The following BIRC6 variants were observed in gnomAD, a reference collection of about 807,000 sequenced individuals.
BIRC6 encodes the protein baculoviral IAP repeat containing 6, also known as dual E2 ubiquitin-conjugating enzyme/E3 ubiquitin-protein ligase BIRC6.
In BIRC6, 98 loss-of-function variants were observed where a neutral mutation model predicts 503.3. The observed-to-expected ratio is 0.19, with a 90% CI of 0.17 to 0.23. BIRC6 has a LOEUF of 0.23. BIRC6 is among the 10% of genes least tolerant of loss of function. The probability of loss-of-function intolerance (pLI) is 1.00; values close to 1 mark genes in which losing one functional copy is unlikely to be tolerated. For missense variants in BIRC6, 5,360 were observed against 5,806.0 expected, an observed-to-expected ratio of 0.92 and a Z score of 2.50; for synonymous variants, 2,240 against 2,078.7, an observed-to-expected ratio of 1.08 and a Z score of -2.11.
At chr2:32,510,240 G>A (rs1339935203) in intron 52 of BIRC6, among the ~76,000 whole-genome samples, 1 of 151,954 alleles carries the variant, frequency 6.6e-6, no homozygotes, top group Non-Finnish European at 1.5e-5. Context: ...CACCACACCC[G>A]GCTAATTTTT....
chr2:32,442,137 A>C lies in BIRC6; in HGVS notation c.4017A>C (p.Thr1339=), dbSNP rs761507069. The change falls in exon 18 of 74, where the codon ACA becomes ACC. Residue 1339 remains threonine (T), a synonymous_variant. Coordinates refer to ENST00000421745, the MANE Select transcript of BIRC6 (RefSeq NM_016252.4). ...EKLLNTLCRK[T]DDGQITEHAQ... The stretch of plus-strand genomic sequence containing the variant: ...TTCTTAATACTCTTTGCAGAAAAAC[A>C]GATGATGGCCAGATCACAGAACATG... 8 of 1,610,332 alleles carry C rather than the reference A, an allele frequency of 5.0e-6. No homozygotes were observed. Among genetic ancestry groups the C allele is most frequent in the Non-Finnish European group, 6.8e-6 (8 of 1,178,940 alleles).
intron 10 of BIRC6, among the ~76,000 whole-genome samples, chr2:32,425,983 A>C (rs2043446258): frequency 1.3e-5 from 2 of 152,208 alleles, no homozygotes; most frequent in Non-Finnish European, 2.9e-5. Context: ...CTCTTACCAG[A>C]AATCAGTCTC....
chr2:32,415,172 A>G lies in BIRC6; in HGVS notation c.1881A>G (p.Leu627=). 6.2e-7 allele frequency: 1 copy of G among 1,614,028 alleles called. No individual in the cohort carries two copies. The highest frequency in any genetic ancestry group is 8.5e-7 in the Non-Finnish European group (1 of 1,179,884). The change falls in exon 10 of 74, where the codon TTA becomes TTG. Residue 627 remains leucine (L), a synonymous_variant. Coordinates refer to ENST00000421745, the MANE Select transcript of BIRC6 (RefSeq NM_016252.4). ...ATTCTCCTCTGGTAAGGAGGACTTT[A>G]CCGGTTTTGCTTCTTTATAGCATCA... ...ELNSPLVRRT[L]PVLLLYSIKE...
At chr2:32,412,278 C>G (rs2041968708) in intron 9 of BIRC6, among the ~76,000 whole-genome samples, 1 of 152,078 alleles carries the variant, frequency 6.6e-6, no homozygotes, top group African/African-American at 2.4e-5. Context: ...GTGGGCAGAT[C>G]ACGAGGTCAG....
intron 54 of BIRC6, among the ~76,000 whole-genome samples, chr2:32,514,009 A>G (rs2366897): frequency 1 from 152,288 of 152,288 alleles, 76,144 homozygotes; most frequent in Non-Finnish European, 1. Flanking sequence ...GAAGTTCGCC[A>G]TGCTGCCTCA....
rs763417990 is a variant in BIRC6, at chr2:32,415,023, C to G, written c.1732C>G (p.Pro578Ala). 6.2e-7 allele frequency: 1 copy of G among 1,613,868 alleles called. No homozygotes were observed. The highest frequency in any genetic ancestry group is 8.5e-7 in the Non-Finnish European group (1 of 1,179,876). The change falls in exon 10 of 74, where the codon CCT becomes GCT. Residue 578 changes from proline to alanine, a missense_variant. Physicochemically the swap from Pro to Ala is conservative, Grantham distance 27. Transcript: ENST00000421745. ...LAGGLLTYKSPATSPISSNSH... is the reference protein window; with the variant it reads ...LAGGLLTYKSAATSPISSNSH... ...TGGAGGTTTATTAACATATAAATCTCCTGCTACCTCACCCATTAGTAGTAA... is the reference window on the plus strand; with the variant it reads ...TGGAGGTTTATTAACATATAAATCTGCTGCTACCTCACCCATTAGTAGTAA...
chr2:32,406,240 G>T (rs2041198909), intron 8 of BIRC6, among the ~76,000 whole-genome samples: 1 of 151,918 alleles, frequency 6.6e-6, no homozygotes, highest in East Asian at 1.9e-4. Context: ...AAAATTAAAA[G>T]AAAAAAGTAG....
chr2:32,426,904 A>G (rs1174124679), intron 10 of BIRC6, among the ~76,000 whole-genome samples: 1 of 152,226 alleles, frequency 6.6e-6, no homozygotes, highest in East Asian at 1.9e-4. Context: ...TTAATGCTAC[A>G]TAGAGAATCT....
At position 32,395,722 on chromosome 2, in the gene BIRC6, G is replaced by A. The variant is rs986379449; in HGVS notation, c.1034+129G>A. The stretch of plus-strand genomic sequence containing the variant: ...ACCTATATTTTTGTCATTGTCCTGA[G>A]AATGAGCTAGCCCTGTCTATACTCT... On this transcript the variant is annotated intron_variant, in intron 6 of 73. Coordinates refer to ENST00000421745, the MANE Select transcript of BIRC6 (RefSeq NM_016252.4). 1.0e-5 allele frequency: 7 copies of A among 696,826 alleles called. No individual in the cohort carries two copies. In the Middle Eastern group the frequency reaches 1.0e-3, roughly 101 times the overall value. The allele number at this position is 696,826 out of a possible 1,614,324, so 43.2% of individuals were successfully genotyped here.
chr2:32,481,594 G>A lies in BIRC6; in HGVS notation c.7542+141G>A, dbSNP rs1285832966. The stretch of plus-strand genomic sequence containing the variant: ...ATCCTGGCCAACATAGTGAAATCCC[G>A]TCTCTACTAAAAATAGAAAAAATTA... On this transcript the variant is annotated intron_variant, in intron 38 of 73. Coordinates refer to ENST00000421745, the MANE Select transcript of BIRC6 (RefSeq NM_016252.4). The A allele has an allele frequency of 2.6e-5, 16 of 617,202 alleles. No homozygotes were observed. The East Asian group carries it at 2.7e-4, about 11-fold the overall frequency. 38.2% of individuals were successfully genotyped at this position (617,202 alleles called of 1,614,324 possible).
chr2:32,595,478 C>CT (rs1156479515), intron 68 of BIRC6, among the ~76,000 whole-genome samples: 1 of 152,200 alleles, frequency 6.6e-6, no homozygotes, highest in Non-Finnish European at 1.5e-5. Flanking sequence ...GAACTTTGAA[C>CT]TAAGTCTGTT....
intron 65 of BIRC6, among the ~76,000 whole-genome samples, chr2:32,558,076 C>T (rs950456286): frequency 6.6e-6 from 1 of 152,002 alleles, no homozygotes; most frequent in African/African-American, 2.4e-5. Context: ...GCATTTCTTG[C>T]GTAGTTTTTC....
rs538511486 is a variant in BIRC6, at chr2:32,537,226, C to T, written c.12291+5675C>T. 7.2e-5 allele frequency among the ~76,000 whole-genome samples: 11 copies of T among 152,172 alleles called. No individual in the cohort carries two copies. The East Asian group carries it at 7.7e-4, about 11-fold the overall frequency. On this transcript the variant is annotated intron_variant, in intron 61 of 73. Coordinates refer to ENST00000421745, the MANE Select transcript of BIRC6 (RefSeq NM_016252.4). ...CCATTGTCAACATTAGACAGATCAA[C>T]GAGACAGAAAGTTAACAAGGATATC...
chr2:32,487,834 A>T, intron 41 of BIRC6, 33 bp downstream of exon 41: 1 of 1,552,988 alleles, frequency 6.4e-7, no homozygotes, highest in South Asian at 1.1e-5. Context: ...GTATTTTTAC[A>T]TATTATTGTT....
intron 61 of BIRC6, among the ~76,000 whole-genome samples, chr2:32,535,668 G>T (rs2057171514): frequency 6.6e-6 from 1 of 152,192 alleles, no homozygotes; most frequent in Non-Finnish European, 1.5e-5. Flanking sequence ...GTATTCCATG[G>T]TGTATATGTC....
Position 32,429,307 on chromosome 2 carries a change from A to C in BIRC6, c.3022+12A>C. ...TCCTGGCATTTCAGGTATGATATTA[A>C]ATTTTTAAATGATTTTAAAAAAAGA... is the stretch of plus-strand genomic sequence containing the variant. On this transcript the variant is annotated intron_variant, in intron 11 of 73. Transcript: ENST00000421745. 1 of 1,470,464 alleles carries C rather than the reference A, an allele frequency of 6.8e-7. No individual in the cohort carries two copies. The highest frequency in any genetic ancestry group is 9.0e-7 in the Non-Finnish European group (1 of 1,110,214). The allele number at this position is 1,470,464 out of a possible 1,614,324, so 91.1% of individuals were successfully genotyped here. A position where few individuals can be genotyped will look rare whatever the true frequency, so the allele number is the denominator to read the frequency against.
intron 15 of BIRC6, 139 bp from the exon 16 acceptor site, chr2:32,439,369 G>C: frequency 2.4e-6 from 2 of 821,054 alleles, no homozygotes; most frequent in Non-Finnish European, 3.7e-6. Context: ...ACTTTCTTCT[G>C]CTCAAACAGT....
rs750550784 is a variant in BIRC6, at chr2:32,415,915, A to C, written c.2624A>C (p.Glu875Ala). The change falls in exon 10 of 74, where the codon GAG becomes GCG. Residue 875 changes from glutamate (E) to alanine (A), a missense_variant. Glu to Ala is a moderately radical substitution (Grantham distance 107, BLOSUM62 -1). Coordinates refer to ENST00000421745, the MANE Select transcript of BIRC6 (RefSeq NM_016252.4). ...TTGGATAATCGAGAGGATGACTGTG[A>C]GGAACCTATTGAGGACATGCAGTTA... ...DILDNREDDC[E>A]EPIEDMQLTS... 6.2e-7 allele frequency: 1 copy of C among 1,614,048 alleles called. No homozygotes were observed. Among genetic ancestry groups the C allele is most frequent in the Non-Finnish European group, 8.5e-7 (1 of 1,179,884 alleles).
At chr2:32,457,612 C>A (rs916493894) in intron 23 of BIRC6, among the ~76,000 whole-genome samples, 1 of 152,050 alleles carries the variant, frequency 6.6e-6, no homozygotes, top group Non-Finnish European at 1.5e-5. Flanking sequence ...TATGAATTCC[C>A]ATGATACATT....
Sources: gnomAD v4.1 joint callset for allele counts (sites outside exome capture counted in the v4.1 genomes callset) on GRCh38, gnomAD v4.1.1 for gene constraint, MANE v1.5 for transcripts, NCBI Gene and HGNC (gene_info 2026-07-23, HGNC 2026-07-21) for gene names.